Variants in SPRED1 observed in about 807,000 individuals in gnomAD.
The protein encoded by SPRED1 is sprouty related EVH1 domain containing 1.
In SPRED1, 18 loss-of-function variants were observed where a neutral mutation model predicts 52.3. That is an observed-to-expected ratio of 0.34 (90% CI 0.24 to 0.51). SPRED1 has a LOEUF of 0.51. SPRED1 is among the 20% of genes least tolerant of loss of function. SPRED1 has a pLI of 0.97. For missense variants in SPRED1, 485 were observed against 551.0 expected (o/e 0.88, Z 1.20); for synonymous variants, 155 against 179.7 (o/e 0.86, Z 1.10).
At chr15:38,308,595 T>C (rs966461401) in intron 2 of SPRED1, among the ~76,000 whole-genome samples, 5 of 152,238 alleles carry the variant, frequency 3.3e-5, no homozygotes, top group Admixed American at 2.0e-4. Context: ...ATAATAAGTA[T>C]GTAACCTTTC....
intron 1 of SPRED1, among the ~76,000 whole-genome samples, chr15:38,290,837 C>T (rs920240278): frequency 6.6e-6 from 1 of 152,122 alleles, no homozygotes; most frequent in South Asian, 2.1e-4. Flanking sequence ...CTGAGAGATA[C>T]AATTTAAGTT....
intron 2 of SPRED1, among the ~76,000 whole-genome samples, chr15:38,316,749 T>G (rs8032752): frequency 0.014 from 79 of 5,836 alleles, 16 homozygotes; most frequent in African/African-American, 0.021. Flanking sequence ...CCATTATATG[T>G]TTTTTTTTTT....
intron 1 of SPRED1, among the ~76,000 whole-genome samples, chr15:38,263,889 C>T (rs1411942503): frequency 6.6e-6 from 1 of 152,152 alleles, no homozygotes; most frequent in African/African-American, 2.4e-5. Flanking sequence ...CATTCAAAGC[C>T]GTCCTGCCAC....
intron 1 of SPRED1, among the ~76,000 whole-genome samples, chr15:38,268,945 T>C (rs952626919): frequency 1.3e-5 from 2 of 149,966 alleles, no homozygotes; most frequent in South Asian, 2.1e-4. Flanking sequence ...TTTTTCTTTT[T>C]TTTTTTTTTT....
At chr15:38,304,393 T>C (rs1178552742) in intron 2 of SPRED1, among the ~76,000 whole-genome samples, 1 of 152,218 alleles carries the variant, frequency 6.6e-6, no homozygotes, top group Non-Finnish European at 1.5e-5. Context: ...CTAGCAGTTT[T>C]GTTTCTTGAA....
Position 38,273,149 on chromosome 15 carries a change from T to C in SPRED1, c.32+19932T>C, listed in dbSNP as rs192889345. ...TCTAGGTTTTCTTCTACGATTCTTATAGTTTGTGGTGTTACATTTAAATCT... is the reference window on the plus strand; with the variant it reads ...TCTAGGTTTTCTTCTACGATTCTTACAGTTTGTGGTGTTACATTTAAATCT... On this transcript the variant is annotated intron_variant, in intron 1 of 6. Transcript: ENST00000299084. 1.1e-4 allele frequency among the ~76,000 whole-genome samples: 17 copies of C among 152,288 alleles called. 1 individual carries two copies. In the East Asian group the frequency reaches 3.3e-3, roughly 29 times the overall value.
chr15:38,299,587 G>T, intron 2 of SPRED1, 40 bp downstream of exon 2: 3 of 1,550,064 alleles, frequency 1.9e-6, no homozygotes, highest in Non-Finnish European at 2.7e-6. Flanking sequence ...TTTAGATAAT[G>T]AATTATCTGT....
intron 5 of SPRED1, among the ~76,000 whole-genome samples, chr15:38,347,324 A>G (rs1041163084): frequency 7.2e-5 from 11 of 152,090 alleles, no homozygotes; most frequent in Admixed American, 5.9e-4. Context: ...TCAATTCTCT[A>G]TATATGTTTG....
At chr15:38,313,833 T>C (rs1895417558) in intron 2 of SPRED1, among the ~76,000 whole-genome samples, 1 of 151,808 alleles carries the variant, frequency 6.6e-6, no homozygotes, top group African/African-American at 2.4e-5. Flanking sequence ...ATTTTCACTC[T>C]AAGCTTTTTA....
At position 38,353,388 on chromosome 15, in the gene SPRED1, A is replaced by C. The variant is rs1554527; in HGVS notation, c.*1724A>C. 13,875 of 152,528 alleles carry C rather than the reference A, an allele frequency of 0.091. 758 individuals are homozygous for C. Among genetic ancestry groups the C allele is most frequent in the East Asian group, 0.21 (1,079 of 5,168 alleles). 9.4% of individuals were successfully genotyped at this position (152,528 alleles called of 1,614,324 possible). Reference sequence around the variant, plus strand: ...TTATATGACAGCTTGAACTGACAACATTGTGTATATAGATCATCTTGAAGT... The same window carrying C: ...TTATATGACAGCTTGAACTGACAACCTTGTGTATATAGATCATCTTGAAGT... On this transcript the variant is annotated 3_prime_UTR_variant, in exon 7 of 7. Transcript: ENST00000299084.
intron 4 of SPRED1, 31 bp from the exon 5 acceptor site, chr15:38,339,706 C>T (rs1895991666): frequency 1.2e-6 from 2 of 1,609,294 alleles, no homozygotes. Context: ...TTTATTCTGG[C>T]AACTAATGCA....
intron 4 of SPRED1, among the ~76,000 whole-genome samples, chr15:38,337,332 T>A (rs968821237): frequency 1.3e-5 from 2 of 152,200 alleles, no homozygotes; most frequent in African/African-American, 4.8e-5. Flanking sequence ...ATTCTTACAA[T>A]TCATGAATAA....
chr15:38,295,744 A>C (rs966882670), intron 1 of SPRED1, among the ~76,000 whole-genome samples: 2 of 152,236 alleles, frequency 1.3e-5, no homozygotes, highest in East Asian at 3.8e-4. Flanking sequence ...ATTTTACCTC[A>C]TAATTGAACA....
At chr15:38,303,536 T>A (rs1895191180) in intron 2 of SPRED1, among the ~76,000 whole-genome samples, 1 of 152,204 alleles carries the variant, frequency 6.6e-6, no homozygotes, top group African/African-American at 2.4e-5. Context: ...AAATACCGAA[T>A]TATAATACAG....
chr15:38,273,802 A>T (rs1038776483), intron 1 of SPRED1, among the ~76,000 whole-genome samples: 1 of 152,140 alleles, frequency 6.6e-6, no homozygotes, highest in Non-Finnish European at 1.5e-5. Flanking sequence ...AGACGAAGGG[A>T]GGATTTTAGG....
chr15:38,273,821 A>G (rs1481550405), intron 1 of SPRED1, among the ~76,000 whole-genome samples: 2 of 151,718 alleles, frequency 1.3e-5, no homozygotes, highest in African/African-American at 2.4e-5. Flanking sequence ...GGTGAAGAAC[A>G]CGGTGGTGGT....
chr15:38,318,163 A>T (rs1895527803), intron 2 of SPRED1, among the ~76,000 whole-genome samples: 2 of 152,110 alleles, frequency 1.3e-5, no homozygotes, highest in Admixed American at 1.3e-4. Flanking sequence ...TCATTTTAGC[A>T]GCTACCATAG....
intron 4 of SPRED1, among the ~76,000 whole-genome samples, chr15:38,330,283 A>G (rs369418292): frequency 6.6e-6 from 1 of 152,126 alleles, no homozygotes; most frequent in Non-Finnish European, 1.5e-5. Flanking sequence ...TATTCCTTCT[A>G]TATTATTTCA....
chr15:38,264,113 A>G (rs1894256394), intron 1 of SPRED1, among the ~76,000 whole-genome samples: 1 of 152,236 alleles, frequency 6.6e-6, no homozygotes, highest in Admixed American at 6.5e-5. Flanking sequence ...AGGACAGTCT[A>G]TCAAATTGTT....
Sources: allele counts gnomAD v4.1 joint callset (sites outside exome capture counted in the v4.1 genomes callset), GRCh38; gene constraint gnomAD v4.1.1; transcripts MANE v1.5; gene names NCBI Gene and HGNC (gene_info 2026-07-23, HGNC 2026-07-21).